Variants in MSRA observed in about 807,000 individuals in gnomAD.
MSRA encodes the protein mitochondrial peptide methionine sulfoxide reductase.
A neutral mutation model predicts 31.3 loss-of-function variants in MSRA; 54 were observed. The observed-to-expected ratio is 1.73, with a 90% CI of 1.39 to 2.17. MSRA has a LOEUF of 2.17. MSRA is among the 30% of genes most tolerant of loss of function. The pLI, the probability that MSRA is intolerant of heterozygous loss-of-function variation, is 0.00. For missense variants in MSRA, 507 were observed against 300.9 expected (o/e 1.69, Z -5.07); for synonymous variants, 169 against 116.5 (o/e 1.45, Z -2.90).
chr8:10,422,642 G>A (rs1808880737), intron 5 of MSRA, among the ~76,000 whole-genome samples: 1 of 152,154 alleles, frequency 6.6e-6, no homozygotes, highest in African/African-American at 2.4e-5. Context: ...GTCAGTAAGA[G>A]AGAGAAAAGT....
intron 3 of MSRA, among the ~76,000 whole-genome samples, chr8:10,293,011 T>G (rs1800328286): frequency 6.6e-6 from 1 of 152,122 alleles, no homozygotes; most frequent in Non-Finnish European, 1.5e-5. Flanking sequence ...GGAGGAGGGC[T>G]TGTTGGCCTC....
At chr8:10,342,002 T>C (rs192788355) in intron 5 of MSRA, among the ~76,000 whole-genome samples, 4 of 152,260 alleles carry the variant, frequency 2.6e-5, no homozygotes, top group Admixed American at 2.0e-4. Context: ...TTAGGGGCTT[T>C]GGGGAAGCTT....
chr8:10,390,463 C>G, intron 5 of MSRA, among the ~76,000 whole-genome samples: 1 of 152,192 alleles, frequency 6.6e-6, no homozygotes, highest in Non-Finnish European at 1.5e-5. Context: ...TAGTCTTCCT[C>G]CCCACTCCCA....
At chr8:10,412,784 G>A (rs76434075) in intron 5 of MSRA, among the ~76,000 whole-genome samples, 1,981 of 152,302 alleles carry the variant, frequency 0.013, 42 homozygotes, top group African/African-American at 0.045. Flanking sequence ...CTCTACAGCA[G>A]TTAGAATGAG....
Position 10,185,215 on chromosome 8 carries a change from T to G in MSRA, c.143-22618T>G, listed in dbSNP as rs182787082. On this transcript the variant is annotated intron_variant, in intron 1 of 5. Coordinates refer to ENST00000317173, the MANE Select transcript of MSRA (RefSeq NM_012331.5). ...AATTGGTGACTGAGGGACAGCTGTC[T>G]GCAAGGGGCATTTCATCAGTATGCA... is the stretch of plus-strand genomic sequence containing the variant. Among the ~76,000 whole-genome samples the G allele has an allele frequency of 2.6e-4, 40 of 152,332 alleles. No individual in the cohort carries two copies. In the East Asian group the frequency reaches 7.7e-3, roughly 29 times the overall value.
chr8:10,199,237 C>T (rs937552726), intron 1 of MSRA, among the ~76,000 whole-genome samples: 3 of 152,130 alleles, frequency 2.0e-5, no homozygotes, highest in African/African-American at 7.2e-5. Context: ...TTCTTCACTC[C>T]CCAGACAGTC....
intron 3 of MSRA, among the ~76,000 whole-genome samples, chr8:10,272,363 G>A (rs562575203): frequency 1.1e-4 from 17 of 152,296 alleles, no homozygotes; most frequent in African/African-American, 4.1e-4. Flanking sequence ...CCAAATGCCA[G>A]CAGCCTTTAG....
chr8:10,113,182 A>G (rs368299508), intron 1 of MSRA, among the ~76,000 whole-genome samples: 105 of 151,510 alleles, frequency 6.9e-4, no homozygotes, highest in African/African-American at 2.4e-3. Flanking sequence ...GTGCTGGAAG[A>G]CAGGAGGTGG....
chr8:10,296,209 T>A (rs1800532897), intron 3 of MSRA, among the ~76,000 whole-genome samples: 1 of 152,154 alleles, frequency 6.6e-6, no homozygotes, highest in Admixed American at 6.5e-5. Flanking sequence ...GAAGAATGAA[T>A]GAATGGATAA....
At chr8:10,081,176 G>A (rs1220344893) in intron 1 of MSRA, among the ~76,000 whole-genome samples, 1 of 152,194 alleles carries the variant, frequency 6.6e-6, no homozygotes, top group Non-Finnish European at 1.5e-5. Context: ...TGATCAGGAG[G>A]CATCATATAA....
At chr8:10,424,761 G>T (rs1809032277) in intron 5 of MSRA, among the ~76,000 whole-genome samples, 1 of 152,202 alleles carries the variant, frequency 6.6e-6, no homozygotes, top group African/African-American at 2.4e-5. Flanking sequence ...GGAGGTGCTG[G>T]GGCAGGCCCA....
chr8:10,291,089 C>T (rs1005666631), intron 3 of MSRA, among the ~76,000 whole-genome samples: 4 of 152,214 alleles, frequency 2.6e-5, no homozygotes, highest in Non-Finnish European at 5.9e-5. Context: ...CCTACTTCTA[C>T]GTACTGGTTT....
intron 1 of MSRA, among the ~76,000 whole-genome samples, chr8:10,191,985 T>C (rs554510651): frequency 6.6e-6 from 1 of 152,278 alleles, no homozygotes; most frequent in Non-Finnish European, 1.5e-5. Context: ...GAGGCTGCAG[T>C]CAAGGTGTCA....
At chr8:10,274,992 G>C (rs184447512) in intron 3 of MSRA, among the ~76,000 whole-genome samples, 242 of 152,220 alleles carry the variant, frequency 1.6e-3, no homozygotes, top group African/African-American at 5.5e-3. Context: ...AGTGTTTATT[G>C]GTTGGCTTCC....
intron 1 of MSRA, among the ~76,000 whole-genome samples, chr8:10,055,025 C>G (rs887770602): frequency 6.6e-6 from 1 of 152,236 alleles, no homozygotes; most frequent in Admixed American, 6.5e-5. Context: ...CCTGCGCCCT[C>G]CTTTCTTGTC....
chr8:10,409,285 C>T (rs1808012318), intron 5 of MSRA, among the ~76,000 whole-genome samples: 1 of 152,190 alleles, frequency 6.6e-6, no homozygotes, highest in Non-Finnish European at 1.5e-5. Context: ...GATGATATCT[C>T]ATTGTGCCTT....
chr8:10,211,810 C>G (rs1809523451), intron 2 of MSRA, among the ~76,000 whole-genome samples: 1 of 152,082 alleles, frequency 6.6e-6, no homozygotes. Context: ...TGGCCACGGT[C>G]CACTCTGTCC....
At chr8:10,238,538 A>T (rs1407640782) in intron 2 of MSRA, among the ~76,000 whole-genome samples, 2 of 152,242 alleles carry the variant, frequency 1.3e-5, no homozygotes, top group East Asian at 3.8e-4. Context: ...TGAATAAATG[A>T]TGAAAAAACA....
chr8:10,318,656 C>T (rs1485721263), intron 4 of MSRA, among the ~76,000 whole-genome samples: 3 of 152,122 alleles, frequency 2.0e-5, no homozygotes, highest in South Asian at 2.1e-4. Context: ...TCAAATATTT[C>T]GTTTGTTTTG....
Sources: allele counts gnomAD v4.1 joint callset (sites outside exome capture counted in the v4.1 genomes callset), GRCh38; gene constraint gnomAD v4.1.1; transcripts MANE v1.5; gene names NCBI Gene and HGNC (gene_info 2026-07-23, HGNC 2026-07-21).